WDFY4: variants seen among roughly 807,000 people sequenced by gnomAD.
The protein encoded by WDFY4 is WDFY family member 4.
Under a neutral mutation model 351.9 loss-of-function variants are expected in WDFY4, and 169 were observed. The observed-to-expected ratio is 0.48, with a 90% CI of 0.42 to 0.55. WDFY4 has a LOEUF of 0.55. Among genes scored for constraint, WDFY4 ranks in the 20% least tolerant of loss-of-function variants. WDFY4 has a pLI of 0.00. For missense variants in WDFY4, 3,803 were observed against 3,935.6 expected (o/e 0.97, Z 0.90); for synonymous variants, 1,622 against 1,574.6 (o/e 1.03, Z -0.71).
At chr10:48,904,548 T>C (rs1036476022) in intron 47 of WDFY4, among the ~76,000 whole-genome samples, 5 of 152,262 alleles carry the variant, frequency 3.3e-5, no homozygotes, top group African/African-American at 4.8e-5. Flanking sequence ...CAGGAAGTGG[T>C]GGCTCTCCCT....
At chr10:48,800,871 TA>T (rs2067065521) in intron 24 of WDFY4, among the ~76,000 whole-genome samples, 1 of 151,986 alleles carries the variant, frequency 6.6e-6, no homozygotes, top group South Asian at 2.1e-4. Context: ...TAGCTGGGAT[TA>T]CAGGCACGTG....
At chr10:48,837,931 A>G (rs2068460360) in intron 39 of WDFY4, among the ~76,000 whole-genome samples, 1 of 152,180 alleles carries the variant, frequency 6.6e-6, no homozygotes, top group Non-Finnish European at 1.5e-5. Flanking sequence ...GCCAGCAAAG[A>G]TTGGGGGACT....
At position 48,896,705 on chromosome 10, in the gene WDFY4, G is replaced by T. The variant is rs373356768; in HGVS notation, c.7317-749G>T. Among the ~76,000 whole-genome samples, 22 of 152,182 alleles carry T rather than the reference G, an allele frequency of 1.4e-4. No individual in the cohort carries two copies. In the South Asian group the frequency reaches 4.6e-3, roughly 32 times the overall value. On this transcript the variant is annotated intron_variant, in intron 44 of 61. Transcript: ENST00000325239. The stretch of plus-strand genomic sequence containing the variant: ...GCCTGACCCCTCCTAACTCTGGTTT[G>T]CATTCAGTCTCACAGTCACCTGACT...
At chr10:48,795,731 T>C (rs1483677131) in intron 23 of WDFY4, among the ~76,000 whole-genome samples, 1 of 151,790 alleles carries the variant, frequency 6.6e-6, no homozygotes, top group East Asian at 1.9e-4. Context: ...CATATGCCAA[T>C]GGATGGCTGG....
chr10:48,910,228 A>G, intron 47 of WDFY4: 1 of 1,607,672 alleles, frequency 6.2e-7, no homozygotes, highest in Non-Finnish European at 8.5e-7. Flanking sequence ...AGATTTTGCC[A>G]CAGCTACTCT....
At chr10:48,892,363 C>T (rs1377517670) in intron 44 of WDFY4, among the ~76,000 whole-genome samples, 1 of 152,164 alleles carries the variant, frequency 6.6e-6, no homozygotes, top group Non-Finnish European at 1.5e-5. Flanking sequence ...ACTTGATTTG[C>T]AATGACAGAC....
At chr10:48,723,696 G>T (rs2064167991) in intron 5 of WDFY4, 129 bp downstream of exon 5, 1 of 1,306,076 alleles carries the variant, frequency 7.7e-7, no homozygotes, top group East Asian at 2.6e-5. Flanking sequence ...TCTCCCAGAG[G>T]GTCTAACCTC....
chr10:48,914,550 C>T (rs1838327849), intron 47 of WDFY4, among the ~76,000 whole-genome samples: 1 of 152,140 alleles, frequency 6.6e-6, no homozygotes, highest in South Asian at 2.1e-4. Flanking sequence ...AACCCAGAGC[C>T]ATGTGTGTGT....
intron 47 of WDFY4, among the ~76,000 whole-genome samples, chr10:48,916,417 C>G (rs902522366): frequency 1.1e-4 from 16 of 152,242 alleles, no homozygotes; most frequent in African/African-American, 3.9e-4. Context: ...CTGTCTCATC[C>G]CAGGCCACCC....
intron 47 of WDFY4, among the ~76,000 whole-genome samples, chr10:48,941,594 C>T (rs927619125): frequency 3.9e-5 from 6 of 152,190 alleles, no homozygotes; most frequent in Admixed American, 2.0e-4. Flanking sequence ...ACACTGACTG[C>T]AAGAACCTAA....
chr10:48,799,411 C>T (rs1018853198), intron 24 of WDFY4, among the ~76,000 whole-genome samples: 1 of 150,522 alleles, frequency 6.6e-6, no homozygotes, highest in Non-Finnish European at 1.5e-5. Flanking sequence ...GATGTGTGCA[C>T]TGTACGTGCC....
At chr10:48,966,829 G>T (rs1290148610) in intron 55 of WDFY4, 156 bp downstream of exon 55, 2 of 1,069,166 alleles carry the variant, frequency 1.9e-6, no homozygotes, top group Non-Finnish European at 2.6e-6. Flanking sequence ...TTCTAGGGGG[G>T]TGTCATCTCT....
chr10:48,693,962 A>C (rs375501584), intron 1 of WDFY4, among the ~76,000 whole-genome samples: 5 of 152,320 alleles, frequency 3.3e-5, no homozygotes, highest in African/African-American at 1.2e-4. Context: ...ATGAATCCGG[A>C]GAACTAAGAG....
At chr10:48,703,646 C>CAAGAAGCTAAGGAAGGGCTTAGCTAAGG (rs1362873818) in intron 1 of WDFY4, among the ~76,000 whole-genome samples, 17 of 152,270 alleles carry the variant, frequency 1.1e-4, no homozygotes, top group Admixed American at 8.5e-4. Flanking sequence ...ATCTTAGCTC[C>CAAGAAGCTAAGGAAGGGCTTAGCTAAGG]AAGGGCGCTG....
intron 57 of WDFY4, among the ~76,000 whole-genome samples, chr10:48,970,911 G>A (rs1229662462): frequency 1.3e-5 from 2 of 152,172 alleles, no homozygotes; most frequent in East Asian, 3.9e-4. Context: ...CATAGAGAAT[G>A]CTAATCGCAG....
At chr10:48,806,226 G>A (rs991479512) in intron 27 of WDFY4, 131 bp downstream of exon 27, 8 of 829,258 alleles carry the variant, frequency 9.6e-6, no homozygotes, top group East Asian at 2.7e-5. Context: ...TGGTTTCCAA[G>A]CCGTGGCCTG....
intron 51 of WDFY4, among the ~76,000 whole-genome samples, chr10:48,952,116 C>G (rs1841354459): frequency 6.6e-6 from 1 of 152,142 alleles, no homozygotes; most frequent in African/African-American, 2.4e-5. Flanking sequence ...TTAGAAGCTC[C>G]TGGAGGGGTC....
intron 50 of WDFY4, 62 bp downstream of exon 50, chr10:48,946,219 G>A: frequency 7.7e-7 from 1 of 1,293,132 alleles, no homozygotes; most frequent in Non-Finnish European, 1.1e-6. Flanking sequence ...TAAAATGATA[G>A]TTGATAACAA....
intron 43 of WDFY4, among the ~76,000 whole-genome samples, chr10:48,889,315 G>A (rs114563607): frequency 6.6e-4 from 101 of 152,296 alleles, no homozygotes; most frequent in African/African-American, 2.2e-3. Flanking sequence ...TTTGCTTTCT[G>A]CCCTTGGCTC....
Sources: gnomAD v4.1 joint callset for allele counts (sites outside exome capture counted in the v4.1 genomes callset) on GRCh38, gnomAD v4.1.1 for gene constraint, MANE v1.5 for transcripts, NCBI Gene and HGNC (gene_info 2026-07-23, HGNC 2026-07-21) for gene names.